The following RABGAP1 variants were observed in gnomAD, a reference collection of about 807,000 sequenced individuals.
RABGAP1 encodes the protein RAB GTPase activating protein 1.
RABGAP1 carries 23 observed loss-of-function variants against 137.6 expected under a neutral mutation model. The observed-to-expected ratio is 0.17, with a 90% CI of 0.12 to 0.24. The LOEUF (loss-of-function observed/expected upper bound fraction) is 0.24. Ranked by LOEUF, RABGAP1 falls within the 10% of genes least tolerant of loss-of-function variation. RABGAP1 has a pLI of 1.00. For synonymous variants in RABGAP1, 451 were observed against 450.7 expected, an observed-to-expected ratio of 1.00 and a Z score of -0.01; for missense variants, 906 against 1,275.8, an observed-to-expected ratio of 0.71 and a Z score of 4.42.
chr9:123,046,891 C>A (rs1268113212), intron 13 of RABGAP1, among the ~76,000 whole-genome samples: 1 of 152,150 alleles, frequency 6.6e-6, no homozygotes, highest in Non-Finnish European at 1.5e-5. Context: ...CTTAGAAGAT[C>A]CCTTAGCAGA....
intron 18 of RABGAP1, 106 bp downstream of exon 18, chr9:123,076,392 C>T (rs2034510988): frequency 1.5e-6 from 2 of 1,298,854 alleles, no homozygotes; most frequent in African/African-American, 1.5e-5. Context: ...TAGCATTACC[C>T]ATGACAGTGG....
Position 123,103,201 on chromosome 9 carries a change from A to G in RABGAP1, c.3198A>G (p.Lys1066=), listed in dbSNP as rs373194745. 1.2e-6 allele frequency: 2 copies of G among 1,613,978 alleles called. No individual in the cohort carries two copies. The highest frequency in any genetic ancestry group is 1.6e-4 in the Middle Eastern group (1 of 6,084). Residue 1066 remains lysine (K), a synonymous_variant, in exon 26 of 26, where the codon AAA becomes AAG. Coordinates refer to ENST00000373647, the MANE Select transcript of RABGAP1 (RefSeq NM_012197.4). ...AGACAGCAACCGGGGTTCAAGGGAA[A>G]GAGACTTGCTGAGAGCAGCTGCCGC... ...SIKTATGVQG[K]ETC
At chr9:123,099,351 T>A in intron 23 of RABGAP1, 127 bp from the exon 24 acceptor site, 1 of 842,836 alleles carries the variant, frequency 1.2e-6, no homozygotes, top group East Asian at 2.6e-5. Context: ...TCATATCCCC[T>A]CCTGAGCGGT....
intron 10 of RABGAP1, among the ~76,000 whole-genome samples, chr9:122,999,049 A>G (rs1465508412): frequency 1.3e-5 from 2 of 152,170 alleles, no homozygotes; most frequent in Non-Finnish European, 2.9e-5. Flanking sequence ...AAACTTCTCT[A>G]GATGAAAATG....
chr9:122,985,011 A>G (rs1436079783), intron 3 of RABGAP1, among the ~76,000 whole-genome samples: 1 of 150,882 alleles, frequency 6.6e-6, no homozygotes, highest in East Asian at 1.9e-4. Flanking sequence ...ATGCTTAAAG[A>G]TTTTTCAAAT....
At chr9:123,060,959 CAT>C (rs750785505) in intron 13 of RABGAP1, among the ~76,000 whole-genome samples, 11 of 152,150 alleles carry the variant, frequency 7.2e-5, no homozygotes, top group South Asian at 2.1e-4. Context: ...AAATTAATAA[CAT>C]GTTAGTATAT....
intron 1 of RABGAP1, among the ~76,000 whole-genome samples, chr9:122,944,159 T>C (rs184598374): frequency 6.6e-6 from 1 of 152,182 alleles, no homozygotes; most frequent in Non-Finnish European, 1.5e-5. Context: ...CATAATGTTA[T>C]CTTTGTAATT....
intron 10 of RABGAP1, among the ~76,000 whole-genome samples, chr9:123,008,589 T>C (rs749502219): frequency 8.6e-5 from 13 of 151,976 alleles, no homozygotes; most frequent in African/African-American, 2.4e-4. Flanking sequence ...TTGAACTGTT[T>C]AGGATACCAA....
chr9:122,948,043 ACACACACACACAC>A (rs1834034098), intron 1 of RABGAP1, among the ~76,000 whole-genome samples: 2 of 2,384 alleles, frequency 8.4e-4, no homozygotes, highest in African/African-American at 9.3e-4. Context: ...AGCCAGGAAA[ACACACACACACAC>A]ACACACACAC....
At chr9:123,031,029 A>G (rs779513093) in intron 13 of RABGAP1, among the ~76,000 whole-genome samples, 116 of 152,186 alleles carry the variant, frequency 7.6e-4, no homozygotes, top group Non-Finnish European at 1.5e-3. Flanking sequence ...AACAAAGTTG[A>G]AAGAACTGTT....
At chr9:123,025,554 T>TTTTTTTTTTTTTTTC (rs2031912549) in intron 13 of RABGAP1, among the ~76,000 whole-genome samples, 1 of 146,162 alleles carries the variant, frequency 6.8e-6, no homozygotes, top group Non-Finnish European at 1.5e-5. Flanking sequence ...TTTTTTTTTT[T>TTTTTTTTTTTTTTTC]TTTTTTGCCT....
intron 13 of RABGAP1, among the ~76,000 whole-genome samples, chr9:123,061,271 A>G (rs1287575399): frequency 6.6e-6 from 1 of 152,106 alleles, no homozygotes; most frequent in Non-Finnish European, 1.5e-5. Context: ...GTATGCCAGC[A>G]CGCCCGGCTA....
intron 1 of RABGAP1, among the ~76,000 whole-genome samples, chr9:122,943,508 T>C (rs1833740304): frequency 6.6e-6 from 1 of 152,252 alleles, no homozygotes; most frequent in Admixed American, 6.5e-5. Context: ...TTGCAGTTTA[T>C]AAGAGTTGTA....
chr9:123,019,980 G>A (rs546162529), intron 12 of RABGAP1, among the ~76,000 whole-genome samples: 3 of 151,810 alleles, frequency 2.0e-5, no homozygotes, highest in Admixed American at 6.6e-5. Flanking sequence ...CACCGCGCCC[G>A]GCCATCTTTT....
At chr9:122,935,531 A>G in the RABGAP1 span, among the ~76,000 whole-genome samples, 14 of 152,030 alleles carry the variant, frequency 9.2e-5, 1 homozygote, top group South Asian at 2.9e-3. Context: ...GTAGAGATGG[A>G]GTTTCACCAA....
intron 2 of RABGAP1, among the ~76,000 whole-genome samples, chr9:122,969,764 A>G (rs1054700970): frequency 6.6e-6 from 1 of 151,586 alleles, no homozygotes; most frequent in African/African-American, 2.4e-5. Context: ...CAAGGTCTTC[A>G]TATGTTGCCC....
intron 10 of RABGAP1, among the ~76,000 whole-genome samples, chr9:123,005,004 C>T (rs959850650): frequency 2.8e-5 from 4 of 140,968 alleles, no homozygotes; most frequent in East Asian, 2.2e-4. Flanking sequence ...TGCAGTGAGC[C>T]GAGATCGCGC....
At chr9:122,964,644 G>C (rs868475109) in intron 2 of RABGAP1, among the ~76,000 whole-genome samples, 2 of 151,974 alleles carry the variant, frequency 1.3e-5, no homozygotes, top group Non-Finnish European at 2.9e-5. Flanking sequence ...TTCTTCCCCC[G>C]CCTAAGTTTA....
intron 2 of RABGAP1, among the ~76,000 whole-genome samples, chr9:122,982,549 T>C (rs1229534306): frequency 6.6e-6 from 1 of 152,204 alleles, no homozygotes; most frequent in Non-Finnish European, 1.5e-5. Context: ...GAATCTAATA[T>C]CTTCTCTCAT....
Sources: allele counts gnomAD v4.1 joint callset (sites outside exome capture counted in the v4.1 genomes callset), GRCh38; gene constraint gnomAD v4.1.1; transcripts MANE v1.5; gene names NCBI Gene and HGNC (gene_info 2026-07-23, HGNC 2026-07-21).